FBXO34: variants seen among roughly 807,000 people sequenced by gnomAD.
The protein encoded by FBXO34 is F-box protein 34.
In FBXO34, 12 loss-of-function variants were observed where a neutral mutation model predicts 24.5. That is an observed-to-expected ratio of 0.49 (90% CI 0.31 to 0.79). The LOEUF is 0.79. Ranked by LOEUF, FBXO34 falls within the 30% of genes least tolerant of loss-of-function variation. The pLI is 0.04. For missense variants in FBXO34, 823 were observed against 857.7 expected, an observed-to-expected ratio of 0.96 and a Z score of 0.51; for synonymous variants, 320 against 311.9, an observed-to-expected ratio of 1.03 and a Z score of -0.27.
chr14:55,384,213 A>G, the FBXO34 span, among the ~76,000 whole-genome samples: 50 of 152,364 alleles, frequency 3.3e-4, 1 homozygote, highest in African/African-American at 1.2e-3. Context: ...ATAAAAGATT[A>G]AAACAGCACA....
chr14:55,342,888 A>G (rs61593470), intron 1 of FBXO34, among the ~76,000 whole-genome samples: 2,909 of 152,298 alleles, frequency 0.019, 89 homozygotes, highest in African/African-American at 0.062. Flanking sequence ...TAGGTTTTCG[A>G]TATATCATCC....
Position 55,351,000 on chromosome 14 carries a change from C to T in FBXO34, c.610C>T (p.Pro204Ser), listed in dbSNP as rs748717813. ...DSGDGVYAGR[P>S]LSVIQMVAFL... ...TGGGGATGGAGTCTATGCTGGGAGGCCTCTGTCAGTTATACAGATGGTTGC... is the reference window on the plus strand; with the variant it reads ...TGGGGATGGAGTCTATGCTGGGAGGTCTCTGTCAGTTATACAGATGGTTGC... The change falls in exon 2 of 2, where the codon CCT (proline) becomes TCT (serine). Residue 204 changes from proline (P) to serine (S), a missense_variant. Physicochemically the swap from Pro to Ser is moderately conservative, Grantham distance 74. Transcript: ENST00000313833. The T allele has an allele frequency of 6.2e-7, 1 of 1,614,178 alleles. No individual in the cohort carries two copies. Among genetic ancestry groups the T allele is most frequent in the South Asian group, 1.1e-5 (1 of 91,072 alleles).
chr14:55,413,495 G>A, the FBXO34 span: 180 of 231,852 alleles, frequency 7.8e-4, 2 homozygotes, highest in Middle Eastern at 0.016. Context: ...GGGAGGGGGC[G>A]GCGCCACACT....
chr14:55,312,508 A>G (rs933661523), intron 1 of FBXO34, among the ~76,000 whole-genome samples: 2 of 152,136 alleles, frequency 1.3e-5, no homozygotes, highest in Non-Finnish European at 2.9e-5. Context: ...TCAACCCCAC[A>G]TTTCCCTTCC....
chr14:55,351,128 T>G lies in FBXO34; in HGVS notation c.738T>G (p.Pro246=). 6.2e-7 allele frequency: 1 copy of G among 1,614,200 alleles called. No individual in the cohort carries two copies. The highest frequency in any genetic ancestry group is 8.5e-7 in the Non-Finnish European group (1 of 1,180,034). The change falls in exon 2 of 2, where the codon CCT becomes CCG. Residue 246 remains proline (P), a synonymous_variant. Coordinates refer to ENST00000313833, the MANE Select transcript of FBXO34 (RefSeq NM_017943.4). The stretch of plus-strand genomic sequence containing the variant: ...TTTCTGGCCAATCCAGAGGTGTGCC[T>G]GCAGTGTCTGAGTCCTATTCTGCCC... ...VRFSGQSRGV[P]AVSESYSAPG...
chr14:55,352,040 G>C lies in FBXO34; in HGVS notation c.1650G>C (p.Trp550Cys), dbSNP rs1420515628. The C allele has an allele frequency of 6.2e-7, 1 of 1,614,066 alleles. No homozygotes were observed. The highest frequency in any genetic ancestry group is 8.5e-7 in the Non-Finnish European group (1 of 1,180,046). Residue 550 changes from tryptophan (W) to cysteine (C), a missense_variant, in exon 2 of 2, where the codon TGG becomes TGC. Trp to Cys is a radical substitution (Grantham distance 215). Transcript: ENST00000313833. Reference protein sequence around the residue: ...STLPVLEASSWKKQVSHDFLE... With the variant: ...STLPVLEASSCKKQVSHDFLE... The stretch of plus-strand genomic sequence containing the variant: ...TACCAGTGCTTGAGGCATCCAGTTG[G>C]AAGAAGCAGGTGTCGCATGACTTCC...
intron 1 of FBXO34, among the ~76,000 whole-genome samples, chr14:55,277,869 C>T (rs1455112805): frequency 1.3e-5 from 2 of 152,060 alleles, no homozygotes; most frequent in East Asian, 3.8e-4. Context: ...ATTCAGGATC[C>T]TGTAGCAAGA....
the FBXO34 span, chr14:55,411,806 C>T: frequency 3.1e-6 from 5 of 1,596,462 alleles, no homozygotes; most frequent in Non-Finnish European, 3.4e-6. Flanking sequence ...GGCTCCCTTC[C>T]CACTGGGAGA....
the FBXO34 span, among the ~76,000 whole-genome samples, chr14:55,433,187 G>A: frequency 5.9e-5 from 9 of 152,014 alleles, no homozygotes; most frequent in African/African-American, 2.2e-4. Flanking sequence ...GGACTGCAGT[G>A]GTATGATCAT....
the FBXO34 span, among the ~76,000 whole-genome samples, chr14:55,424,773 C>T: frequency 6.6e-6 from 1 of 152,138 alleles, no homozygotes; most frequent in East Asian, 1.9e-4. Flanking sequence ...CGAGTTTTTA[C>T]AATTCAGGAT....
chr14:55,416,672 AAC>A, the FBXO34 span, among the ~76,000 whole-genome samples: 1 of 152,196 alleles, frequency 6.6e-6, no homozygotes, highest in Non-Finnish European at 1.5e-5. Context: ...TTAGAAACTA[AAC>A]AGTGAGTTGG....
chr14:55,302,370 GT>G (rs1405381716), intron 1 of FBXO34, among the ~76,000 whole-genome samples: 1 of 151,472 alleles, frequency 6.6e-6, no homozygotes, highest in Non-Finnish European at 1.5e-5. Context: ...TGTGTACAAA[GT>G]TTGTATGATG....
chr14:55,439,755 ACT>A, the FBXO34 span, among the ~76,000 whole-genome samples: 1 of 151,416 alleles, frequency 6.6e-6, no homozygotes, highest in African/African-American at 2.4e-5. Flanking sequence ...ACGGTGAAAC[ACT>A]GTCTCTACTA....
intron 1 of FBXO34, among the ~76,000 whole-genome samples, chr14:55,324,072 A>G (rs1483922948): frequency 6.6e-6 from 1 of 152,056 alleles, no homozygotes; most frequent in East Asian, 1.9e-4. Flanking sequence ...CATACCCATT[A>G]GCAGTTACCC....
chr14:55,334,482 C>G (rs1487639096), intron 1 of FBXO34, among the ~76,000 whole-genome samples: 1 of 122,768 alleles, frequency 8.1e-6, no homozygotes, highest in Non-Finnish European at 1.6e-5. Flanking sequence ...AGGCACAGTT[C>G]TGGGAATTCA....
downstream of FBXO34, among the ~76,000 whole-genome samples, chr14:55,371,939 G>A (rs1884828626): frequency 6.6e-6 from 1 of 152,176 alleles, no homozygotes; most frequent in African/African-American, 2.4e-5. Context: ...GAATTTCTCT[G>A]CCAGCAAACT....
the FBXO34 span, among the ~76,000 whole-genome samples, chr14:55,434,443 G>A: frequency 5.9e-5 from 9 of 152,262 alleles, no homozygotes; most frequent in Non-Finnish European, 1.3e-4. Flanking sequence ...CCCCGGTTAA[G>A]CTAGGAAGGA....
At chr14:55,295,597 T>C (rs953356741) in intron 1 of FBXO34, among the ~76,000 whole-genome samples, 2 of 152,280 alleles carry the variant, frequency 1.3e-5, no homozygotes, top group Non-Finnish European at 1.5e-5. Flanking sequence ...GGTTTTGCCA[T>C]GTTGGCCAGG....
At chr14:55,429,289 C>G in the FBXO34 span, among the ~76,000 whole-genome samples, 5 of 152,314 alleles carry the variant, frequency 3.3e-5, no homozygotes, top group South Asian at 1.0e-3. Flanking sequence ...AAGTGTGTCC[C>G]CAGACCAGCA....
Sources: gnomAD v4.1 joint callset for allele counts (sites outside exome capture counted in the v4.1 genomes callset) on GRCh38, gnomAD v4.1.1 for gene constraint, MANE v1.5 for transcripts, NCBI Gene and HGNC (gene_info 2026-07-23, HGNC 2026-07-21) for gene names.